The following FIRRM variants were observed in gnomAD, a reference collection of about 807,000 sequenced individuals.
The protein encoded by FIRRM is FIGNL1-interacting regulator of recombination and mitosis.
At chr1:169,821,239 G>T in the FIRRM span, among the ~76,000 whole-genome samples, 2 of 152,080 alleles carry the variant, frequency 1.3e-5, no homozygotes, top group African/African-American at 4.8e-5. Context: ...TTCAGTAGCA[G>T]TTTGTTTTGT....
the FIRRM span, chr1:169,795,875 A>C: frequency 3.0e-6 from 3 of 985,322 alleles, no homozygotes; most frequent in East Asian, 1.1e-4. Context: ...TTGGCTTTCA[A>C]CTGTTGGATT....
At chr1:169,832,960 C>T in the FIRRM span, among the ~76,000 whole-genome samples, 8 of 152,140 alleles carry the variant, frequency 5.3e-5, no homozygotes, top group East Asian at 1.9e-4. Context: ...AAATTTTTGA[C>T]GTTGATTGCT....
the FIRRM span, among the ~76,000 whole-genome samples, chr1:169,833,730 AAG>A: frequency 6.6e-6 from 1 of 152,182 alleles, no homozygotes; most frequent in South Asian, 2.1e-4. Flanking sequence ...TTAGCCCTCT[AAG>A]AGCACGGGGA....
chr1:169,785,281 G>A, the FIRRM span, among the ~76,000 whole-genome samples: 2 of 152,178 alleles, frequency 1.3e-5, no homozygotes, highest in Non-Finnish European at 2.9e-5. Flanking sequence ...CTAGAGGTGG[G>A]TGCCTGCAAC....
the FIRRM span, among the ~76,000 whole-genome samples, chr1:169,812,010 C>G: frequency 1.3e-5 from 2 of 152,142 alleles, no homozygotes; most frequent in Admixed American, 6.6e-5. Flanking sequence ...ATTACCCACA[C>G]CTTCTTTGTT....
the FIRRM span, chr1:169,792,413 C>T: frequency 1.8e-6 from 1 of 551,792 alleles, no homozygotes; most frequent in Non-Finnish European, 3.1e-6. Context: ...CTCAGTTTCA[C>T]CTAGTGAGTA....
At chr1:169,819,702 AC>A in the FIRRM span, among the ~76,000 whole-genome samples, 28,152 of 152,022 alleles carry the variant, frequency 0.19, 2,758 homozygotes, top group South Asian at 0.26. Context: ...ATCCCCTATT[AC>A]CCGACTTTAG....
At chr1:169,800,989 G>A in the FIRRM span, 5 of 1,272,620 alleles carry the variant, frequency 3.9e-6, no homozygotes, top group African/African-American at 7.5e-5. Context: ...ACTATTACCT[G>A]AAAATACATG....
At chr1:169,821,661 T>C in the FIRRM span, 1 of 1,540,782 alleles carries the variant, frequency 6.5e-7, no homozygotes, top group Non-Finnish European at 8.8e-7. Flanking sequence ...TGCTTTCTTA[T>C]TTCCCTTTTT....
chr1:169,820,740 G>T, the FIRRM span, among the ~76,000 whole-genome samples: 1 of 152,174 alleles, frequency 6.6e-6, no homozygotes, highest in Non-Finnish European at 1.5e-5. Flanking sequence ...TGACTAATTG[G>T]TGCTGCAGTC....
chr1:169,830,324 A>G, the FIRRM span: 1 of 1,613,870 alleles, frequency 6.2e-7, no homozygotes, highest in Non-Finnish European at 8.5e-7. Flanking sequence ...CTATGGATGC[A>G]TGGTGCTTCC....
the FIRRM span, chr1:169,847,835 TAAAAC>T: frequency 1.4e-6 from 2 of 1,416,952 alleles, no homozygotes; most frequent in African/African-American, 1.4e-5. Context: ...CTTGTATTAT[TAAAAC>T]AAAATCTCTA....
the FIRRM span, chr1:169,793,485 G>C: frequency 6.2e-7 from 1 of 1,614,118 alleles, no homozygotes; most frequent in South Asian, 1.1e-5. Flanking sequence ...TCTTGAGAGG[G>C]AGCTGCATTT....
the FIRRM span, chr1:169,792,903 A>C: frequency 6.2e-7 from 1 of 1,614,162 alleles, no homozygotes; most frequent in South Asian, 1.1e-5. Context: ...CCAGAAAAAA[A>C]TCGGCATTTA....
chr1:169,841,417 TAAG>T, the FIRRM span, among the ~76,000 whole-genome samples: 18 of 152,224 alleles, frequency 1.2e-4, no homozygotes, highest in African/African-American at 3.1e-4. Context: ...AGGTAAATCT[TAAG>T]AAGTTGTATG....
At chr1:169,789,782 C>G in the FIRRM span, among the ~76,000 whole-genome samples, 1 of 152,158 alleles carries the variant, frequency 6.6e-6, no homozygotes, top group Non-Finnish European at 1.5e-5. Context: ...AATTTGTATA[C>G]TGTAAAGGCA....
chr1:169,805,618 A>T, the FIRRM span, among the ~76,000 whole-genome samples: 8 of 152,188 alleles, frequency 5.3e-5, no homozygotes, highest in African/African-American at 1.7e-4. Flanking sequence ...CCTTGCATGA[A>T]TACCATGGAT....
the FIRRM span, among the ~76,000 whole-genome samples, chr1:169,841,028 A>G: frequency 0.067 from 10,128 of 152,050 alleles, 434 homozygotes; most frequent in Non-Finnish European, 0.099. Flanking sequence ...GTCTTGTTCC[A>G]TTTCTGAAGA....
the FIRRM span, among the ~76,000 whole-genome samples, chr1:169,814,922 A>C: frequency 3.3e-5 from 5 of 151,972 alleles, no homozygotes; most frequent in Non-Finnish European, 2.9e-5. Flanking sequence ...CACATGATGC[A>C]CACTTGGTAC....
Sources: allele counts gnomAD v4.1 joint callset (sites outside exome capture counted in the v4.1 genomes callset), GRCh38; gene constraint gnomAD v4.1.1; transcripts MANE v1.5; gene names NCBI Gene and HGNC (gene_info 2026-07-23, HGNC 2026-07-21).